Variants in MYRIP observed in about 807,000 individuals in gnomAD.
MYRIP encodes myosin VIIA and Rab interacting protein.
Under a neutral mutation model 98.0 loss-of-function variants are expected in MYRIP, and 49 were observed. That is an observed-to-expected ratio of 0.50 (90% confidence interval 0.40 to 0.63). The LOEUF is 0.63. Among genes scored for constraint, MYRIP ranks in the 30% least tolerant of loss-of-function variants. The pLI, the probability that MYRIP is intolerant of heterozygous loss-of-function variation, is 0.00. For synonymous variants in MYRIP, 404 were observed against 409.5 expected (o/e 0.99, Z 0.16); for missense variants, 1,004 against 1,058.2 (o/e 0.95, Z 0.71).
chr3:40,189,582 TAGG>T (rs1220339917), intron 9 of MYRIP, among the ~76,000 whole-genome samples: 10 of 152,136 alleles, frequency 6.6e-5, no homozygotes, highest in Admixed American at 2.0e-4. Flanking sequence ...TAGACTGAAA[TAGG>T]AGCCAGATCT....
chr3:40,009,057 G>A (rs1290637534), intron 2 of MYRIP, among the ~76,000 whole-genome samples: 3 of 152,162 alleles, frequency 2.0e-5, no homozygotes, highest in South Asian at 4.1e-4. Flanking sequence ...AGGGGAGGAA[G>A]AGAAATAGCA....
At chr3:40,013,281 A>T (rs557681119) in intron 2 of MYRIP, among the ~76,000 whole-genome samples, 1 of 152,352 alleles carries the variant, frequency 6.6e-6, no homozygotes, top group South Asian at 2.1e-4. Context: ...GAACCTTAAC[A>T]GTACCTTGCT....
intron 2 of MYRIP, among the ~76,000 whole-genome samples, chr3:40,031,310 C>T (rs1218891736): frequency 1.3e-5 from 2 of 152,098 alleles, no homozygotes. Flanking sequence ...AAAAACATCA[C>T]ACTGGGGGTT....
intron 2 of MYRIP, among the ~76,000 whole-genome samples, chr3:39,984,784 T>A (rs1043589186): frequency 2.0e-5 from 3 of 151,920 alleles, no homozygotes; most frequent in African/African-American, 7.3e-5. Flanking sequence ...CAGTTCTAGA[T>A]CCCTGAGGAA....
chr3:40,166,984 G>T, intron 6 of MYRIP, 41 bp downstream of exon 6: 1 of 1,521,780 alleles, frequency 6.6e-7, no homozygotes, highest in Non-Finnish European at 9.1e-7. Context: ...GGAGGTGTGG[G>T]TTGGGGTCCT....
rs540169642 is a variant in MYRIP at position 39,831,704 on chromosome 3, A to T, written c.-31+21788A>T. Among the ~76,000 whole-genome samples the T allele has an allele frequency of 4.6e-5, 7 of 152,344 alleles. No individual in the cohort carries two copies. In the East Asian group the frequency reaches 1.3e-3, roughly 29 times the overall value. On this transcript the variant is annotated intron_variant, in intron 1 of 16. Coordinates refer to ENST00000302541, the MANE Select transcript of MYRIP (RefSeq NM_015460.4). ...AATCAGTATACCTATGTCATTCTACATATATTTACACATTTCTAATAGCTG... is the reference window on the plus strand; with the variant it reads ...AATCAGTATACCTATGTCATTCTACTTATATTTACACATTTCTAATAGCTG...
intron 3 of MYRIP, among the ~76,000 whole-genome samples, chr3:40,149,634 C>CT (rs761246141): frequency 3.6e-4 from 55 of 152,172 alleles, no homozygotes; most frequent in Non-Finnish European, 7.1e-4. Flanking sequence ...TCATTATTGT[C>CT]TACACAACCA....
intron 4 of MYRIP, among the ~76,000 whole-genome samples, chr3:40,156,655 C>T (rs1198470371): frequency 6.6e-6 from 1 of 150,550 alleles, no homozygotes; most frequent in East Asian, 2.0e-4. Flanking sequence ...TGTTTGTATC[C>T]TCTTTTATTT....
chr3:39,864,150 C>T (rs1942553623), intron 1 of MYRIP, among the ~76,000 whole-genome samples: 1 of 152,214 alleles, frequency 6.6e-6, no homozygotes, highest in East Asian at 1.9e-4. Context: ...GAACATACTT[C>T]AAAATAGTAA....
intron 1 of MYRIP, among the ~76,000 whole-genome samples, chr3:39,887,774 G>A (rs962599017): frequency 2.0e-4 from 30 of 152,066 alleles, no homozygotes; most frequent in African/African-American, 4.3e-4. Flanking sequence ...TATATCTAGA[G>A]AACCCCATTG....
In MYRIP at chr3:40,117,086, C is replaced by T. The variant is rs557893338; in HGVS notation, c.333-33962C>T. Reference sequence around the variant, plus strand: ...TTGCTGCCAATATGACTGGAGCATCCGGTGAGGCCACATCTGCCTTTCAAT... The same window carrying T: ...TTGCTGCCAATATGACTGGAGCATCTGGTGAGGCCACATCTGCCTTTCAAT... On this transcript the variant is annotated intron_variant, in intron 3 of 16. Coordinates refer to ENST00000302541, the MANE Select transcript of MYRIP (RefSeq NM_015460.4). 7.7e-4 allele frequency among the ~76,000 whole-genome samples: 118 copies of T among 152,258 alleles called. 2 individuals carry two copies. Among genetic ancestry groups the T allele is most frequent in the South Asian group, 1.2e-3 (6 of 4,828 alleles).
chr3:40,252,782 C>T (rs112720525), intron 16 of MYRIP, among the ~76,000 whole-genome samples: 1 of 152,112 alleles, frequency 6.6e-6, no homozygotes, highest in Non-Finnish European at 1.5e-5. Context: ...CAGCTTTAAA[C>T]TTACCCACAG....
chr3:40,151,504 C>T (rs1282222093), intron 4 of MYRIP, among the ~76,000 whole-genome samples: 2 of 152,146 alleles, frequency 1.3e-5, no homozygotes, highest in African/African-American at 2.4e-5. Context: ...ATGATTAAAA[C>T]GTTGGAAAGT....
At chr3:39,850,028 G>A (rs1375057495) in intron 1 of MYRIP, among the ~76,000 whole-genome samples, 2 of 152,240 alleles carry the variant, frequency 1.3e-5, no homozygotes, top group African/African-American at 4.8e-5. Context: ...GAGGTCAAGA[G>A]TGTGTGTTCT....
intron 1 of MYRIP, among the ~76,000 whole-genome samples, chr3:39,828,194 T>C (rs1245528512): frequency 3.3e-5 from 5 of 152,130 alleles, no homozygotes; most frequent in Admixed American, 6.5e-5. Flanking sequence ...TTTCTTCTTC[T>C]CTTCTCCTTC....
intron 1 of MYRIP, among the ~76,000 whole-genome samples, chr3:39,833,430 GT>G (rs1424744698): frequency 1.3e-5 from 2 of 152,100 alleles, no homozygotes; most frequent in Non-Finnish European, 2.9e-5. Flanking sequence ...TTTGACAACT[GT>G]TTTGTAGAAT....
At chr3:39,976,983 C>T (rs1167153227) in intron 2 of MYRIP, among the ~76,000 whole-genome samples, 3 of 152,000 alleles carry the variant, frequency 2.0e-5, no homozygotes, top group Admixed American at 2.0e-4. Flanking sequence ...CCAACATGGA[C>T]ATGTATACAT....
intron 8 of MYRIP, among the ~76,000 whole-genome samples, chr3:40,178,666 G>A (rs1021513058): frequency 3.3e-5 from 5 of 152,202 alleles, no homozygotes; most frequent in Non-Finnish European, 7.3e-5. Context: ...TATTTATTGA[G>A]TGCTTTCTCT....
intron 2 of MYRIP, among the ~76,000 whole-genome samples, chr3:40,023,290 T>A (rs1947040919): frequency 6.6e-6 from 1 of 152,160 alleles, no homozygotes; most frequent in East Asian, 1.9e-4. Context: ...TCAGTCAGGG[T>A]TCCATCAAGA....
Sources: gnomAD v4.1 joint callset for allele counts (sites outside exome capture counted in the v4.1 genomes callset) on GRCh38, gnomAD v4.1.1 for gene constraint, MANE v1.5 for transcripts, NCBI Gene and HGNC (gene_info 2026-07-23, HGNC 2026-07-21) for gene names.